EXD1: variants seen among roughly 807,000 people sequenced by gnomAD.
EXD1 encodes exonuclease 3'-5' domain containing 1.
A neutral mutation model predicts 49.1 loss-of-function variants in EXD1; 63 were observed. The observed-to-expected ratio is 1.28, with a 90% CI of 1.05 to 1.58. The LOEUF (loss-of-function observed/expected upper bound fraction) is 1.58, where lower values mean the gene tolerates loss of function less well. Ranked by LOEUF, EXD1 falls within the 40% of genes most tolerant of loss-of-function variation. The pLI is 0.00. For synonymous variants in EXD1, 234 were observed against 239.2 expected, an observed-to-expected ratio of 0.98 and a Z score of 0.20; for missense variants, 748 against 666.0, an observed-to-expected ratio of 1.12 and a Z score of -1.36.
In EXD1 at chr15:41,217,054, A is replaced by C. The variant is rs752615568; in HGVS notation, c.260+43T>G. Reference sequence around the variant, plus strand: ...GTTAAGGCTTTCTACCCTAATGTGCACATTTGGAAAATATCATAATTAAGA... The same window carrying C: ...GTTAAGGCTTTCTACCCTAATGTGCCCATTTGGAAAATATCATAATTAAGA... On this transcript the variant is annotated intron_variant, in intron 4 of 11. Coordinates refer to ENST00000458580, the MANE Select transcript of EXD1 (RefSeq NM_001286441.2). The C allele has an allele frequency of 1.7e-5, 26 of 1,560,094 alleles. No individual in the cohort carries two copies. In the Admixed American group the frequency reaches 4.4e-4, roughly 26 times the overall value.
In EXD1 at chr15:41,199,256, A is replaced by T. The variant is rs941134196; in HGVS notation, c.535-3219T>A. Among the ~76,000 whole-genome samples the T allele has an allele frequency of 1.3e-4, 20 of 151,122 alleles. No homozygotes were observed. In the East Asian group the frequency reaches 1.4e-3, roughly 10 times the overall value. ...CATGAGCTACCACACCTGGCCAAAA[A>T]TTTTTTTTTAATATGGAGATGGGGT... On this transcript the variant is annotated intron_variant, in intron 7 of 11. Coordinates refer to ENST00000458580, the MANE Select transcript of EXD1 (RefSeq NM_001286441.2).
intron 7 of EXD1, among the ~76,000 whole-genome samples, chr15:41,206,006 T>A (rs1687955612): frequency 6.7e-6 from 1 of 150,226 alleles, no homozygotes; most frequent in African/African-American, 2.4e-5. Context: ...CAGCCTCCCA[T>A]AAATTCTGAA....
chr15:41,195,094 C>G (rs573191966), intron 9 of EXD1, among the ~76,000 whole-genome samples: 64 of 152,266 alleles, frequency 4.2e-4, no homozygotes, highest in African/African-American at 1.5e-3. Context: ...CACAGCCAAA[C>G]CAGAAACCCA....
At chr15:41,195,248 C>A (rs965899311) in intron 9 of EXD1, among the ~76,000 whole-genome samples, 13 of 152,050 alleles carry the variant, frequency 8.5e-5, no homozygotes, top group African/African-American at 2.7e-4. Context: ...AACAATAATG[C>A]TGGTAGAATC....
intron 6 of EXD1, among the ~76,000 whole-genome samples, chr15:41,214,694 A>G (rs2046974618): frequency 6.6e-6 from 1 of 152,082 alleles, no homozygotes; most frequent in African/African-American, 2.4e-5. Flanking sequence ...CACACAAGCC[A>G]GGAATATTTC....
intron 7 of EXD1, among the ~76,000 whole-genome samples, chr15:41,205,656 T>C (rs939763940): frequency 5.4e-5 from 8 of 148,324 alleles, no homozygotes; most frequent in South Asian, 2.1e-4. Flanking sequence ...GATGTGCCTG[T>C]AGTCCCATTT....
chr15:41,225,807 G>A (rs1433445583), intron 2 of EXD1, among the ~76,000 whole-genome samples: 2 of 151,792 alleles, frequency 1.3e-5, no homozygotes, highest in East Asian at 1.9e-4. Context: ...AGAATCACTT[G>A]AACTTGGGAG....
At position 41,192,596 on chromosome 15, in the gene EXD1, T is replaced by A. The variant is rs1176274081; in HGVS notation, c.721-1011A>T. Among the ~76,000 whole-genome samples, 51 of 15,828 alleles carry A rather than the reference T, an allele frequency of 3.2e-3. 10 individuals carry two copies. Among genetic ancestry groups the A allele is most frequent in the South Asian group, 6.1e-3 (4 of 656 alleles). The allele number at this position is 15,828 out of a possible 152,430, so 10.4% of individuals were successfully genotyped here. On this transcript the variant is annotated intron_variant, in intron 9 of 11. Coordinates refer to ENST00000458580, the MANE Select transcript of EXD1 (RefSeq NM_001286441.2). ...AGGCGTGAACCACTGCGCCAGGCAT[T>A]TTTTTTTTTTTTTTTTTTTTTTTTT...
At chr15:41,205,058 A>G (rs1405490913) in intron 7 of EXD1, among the ~76,000 whole-genome samples, 52 of 152,204 alleles carry the variant, frequency 3.4e-4, no homozygotes, top group Admixed American at 3.4e-3. Context: ...GTTGAACCTA[A>G]ACATAAAAAT....
At chr15:41,209,890 GAGAA>G (rs2046895539) in intron 6 of EXD1, among the ~76,000 whole-genome samples, 1 of 152,076 alleles carries the variant, frequency 6.6e-6, no homozygotes, top group Admixed American at 6.6e-5. Flanking sequence ...TGATGCTACA[GAGAA>G]AGAATCATAA....
chr15:41,223,721 C>T (rs1358105238), intron 2 of EXD1, among the ~76,000 whole-genome samples: 2 of 148,740 alleles, frequency 1.3e-5, no homozygotes, highest in East Asian at 2.1e-4. Flanking sequence ...AAAAATCAGC[C>T]GGGCGTGGTG....
At chr15:41,191,304 C>T (rs757364450) in intron 10 of EXD1, 138 bp downstream of exon 10, 2 of 730,946 alleles carry the variant, frequency 2.7e-6, no homozygotes, top group Non-Finnish European at 4.4e-6. Flanking sequence ...AAACCATTCC[C>T]ATTTGGTACA....
chr15:41,183,309 T>C lies in EXD1; in HGVS notation c.*622A>G, dbSNP rs1256303791. 6.6e-6 allele frequency: 1 copy of C among 151,910 alleles called. No homozygotes were observed. The highest frequency in any genetic ancestry group is 1.9e-4 in the East Asian group (1 of 5,192). 9.4% of individuals were successfully genotyped at this position (151,910 alleles called of 1,614,324 possible). Reference sequence around the variant, plus strand: ...CATCAAAAAACAAATAAAACAAAAATTAAATTATTGATTCCTATAACATTA... The same window carrying C: ...CATCAAAAAACAAATAAAACAAAAACTAAATTATTGATTCCTATAACATTA... On this transcript the variant is annotated 3_prime_UTR_variant, in exon 12 of 12. Coordinates refer to ENST00000458580, the MANE Select transcript of EXD1 (RefSeq NM_001286441.2).
intron 6 of EXD1, 117 bp downstream of exon 6, chr15:41,215,658 C>A: frequency 9.5e-7 from 1 of 1,055,082 alleles, no homozygotes; most frequent in East Asian, 2.4e-5. Context: ...TGCACTCCAA[C>A]CTGGGCGATA....
chr15:41,224,300 C>T (rs1046120413), intron 2 of EXD1, among the ~76,000 whole-genome samples: 6 of 152,082 alleles, frequency 3.9e-5, no homozygotes, highest in South Asian at 2.1e-4. Flanking sequence ...TGGTACCAAG[C>T]GTAGTTCCTG....
intron 2 of EXD1, among the ~76,000 whole-genome samples, chr15:41,225,618 C>T (rs1022822514): frequency 6.7e-6 from 1 of 148,842 alleles, no homozygotes; most frequent in Non-Finnish European, 1.5e-5. Flanking sequence ...AGCGGTGGCT[C>T]ATGCCTATAA....
intron 6 of EXD1, among the ~76,000 whole-genome samples, chr15:41,211,265 C>T (rs371900047): frequency 2.0e-5 from 3 of 151,856 alleles, no homozygotes; most frequent in African/African-American, 7.3e-5. Context: ...ACCTGTGCCA[C>T]CATGCCCAGC....
intron 9 of EXD1, 31 bp downstream of exon 9, chr15:41,195,743 CT>C: frequency 2.5e-6 from 4 of 1,580,592 alleles, no homozygotes; most frequent in Non-Finnish European, 3.5e-6. Context: ...GCTGTATATA[CT>C]GGTTTGAATC....
chr15:41,189,515 T>G (rs1042571932), intron 11 of EXD1, among the ~76,000 whole-genome samples: 1 of 149,642 alleles, frequency 6.7e-6, no homozygotes, highest in African/African-American at 2.5e-5. Context: ...TACAAAAAAT[T>G]AGCCAGGCGT....
Sources: allele counts gnomAD v4.1 joint callset (sites outside exome capture counted in the v4.1 genomes callset), GRCh38; gene constraint gnomAD v4.1.1; transcripts MANE v1.5; gene names NCBI Gene and HGNC (gene_info 2026-07-23, HGNC 2026-07-21).